STOX2: variants seen among roughly 807,000 people sequenced by gnomAD.
The protein encoded by STOX2 is storkhead box 2, also known as storkhead-box protein 2.
STOX2 carries 28 observed loss-of-function variants against 60.9 expected under a neutral mutation model. The observed-to-expected ratio is 0.46, with a 90% CI of 0.34 to 0.63. The LOEUF (loss-of-function observed/expected upper bound fraction) is 0.63, where lower values mean the gene tolerates loss of function less well. Among genes scored for constraint, STOX2 ranks in the 30% least tolerant of loss-of-function variants. The pLI is 0.01. For synonymous variants in STOX2, 472 were observed against 463.9 expected, an observed-to-expected ratio of 1.02 and a Z score of -0.22; for missense variants, 1,024 against 1,187.7, an observed-to-expected ratio of 0.86 and a Z score of 2.03.
chr4:183,977,348 C>A (rs867304206), intron 1 of STOX2, among the ~76,000 whole-genome samples: 3 of 152,240 alleles, frequency 2.0e-5, no homozygotes, highest in Middle Eastern at 3.4e-3. Context: ...GTGTAAGGCA[C>A]AACATGAAGG....
At position 184,010,328 on chromosome 4, in the gene STOX2, C is replaced by T; in HGVS notation, c.1490C>T (p.Ser497Phe). 1 of 1,607,586 alleles carries T rather than the reference C, an allele frequency of 6.2e-7. No homozygotes were observed. Among genetic ancestry groups the T allele is most frequent in the Non-Finnish European group, 8.5e-7 (1 of 1,177,048 alleles). The change falls in exon 3 of 4, where the codon TCC (serine) becomes TTC (phenylalanine). Residue 497 changes from serine (S) to phenylalanine (F), a missense_variant. Ser to Phe is a radical substitution (Grantham distance 155, BLOSUM62 -2). Around this residue, in one of 3 missense-constraint regions of STOX2, gnomAD observed 922 missense variants for 1,058.3 expected, o/e 0.87. Coordinates refer to ENST00000308497, the MANE Select transcript of STOX2 (RefSeq NM_020225.3). The surrounding 1 kb of genome is among the most constrained non-coding windows in gnomAD (Gnocchi z 4.5). Reference sequence around the variant, plus strand: ...GAGAGATCCAGGTCGATGGATAACTCCAAAGGCCCTCTGGGTGCTTCTTCT... The same window carrying T: ...GAGAGATCCAGGTCGATGGATAACTTCAAAGGCCCTCTGGGTGCTTCTTCT... ...AKERSRSMDN[S>F]KGPLGASSLG...
chr4:183,818,654 A>G (rs930724776), intron 1 of STOX2, among the ~76,000 whole-genome samples: 1 of 151,970 alleles, frequency 6.6e-6, no homozygotes, highest in Admixed American at 6.6e-5. Context: ...GGGGCCCCTC[A>G]CTTCCCAGAA....
At chr4:184,013,099 T>C (rs1734229558) in intron 3 of STOX2, among the ~76,000 whole-genome samples, 1 of 152,204 alleles carries the variant, frequency 6.6e-6, no homozygotes, top group South Asian at 2.1e-4. Flanking sequence ...GTTTTAAACC[T>C]TTCTCCTTTC....
At chr4:183,930,715 A>G (rs1287020420) in intron 1 of STOX2, among the ~76,000 whole-genome samples, 1 of 152,226 alleles carries the variant, frequency 6.6e-6, no homozygotes, top group Non-Finnish European at 1.5e-5. Flanking sequence ...AGCTTAATAG[A>G]ATAATATGAA....
intron 1 of STOX2, among the ~76,000 whole-genome samples, chr4:183,937,418 G>A (rs974674857): frequency 2.6e-5 from 4 of 152,286 alleles, no homozygotes; most frequent in Admixed American, 6.5e-5. Flanking sequence ...CCTTATTTCC[G>A]ACGCTCAGGA....
At chr4:183,800,656 A>G (rs10019343) in intron 1 of STOX2, among the ~76,000 whole-genome samples, 107,397 of 152,098 alleles carry the variant, frequency 0.71, 38,053 homozygotes, top group East Asian at 0.86. Context: ...CTCATCAGTT[A>G]CCAATAGTCC....
chr4:183,817,407 T>A (rs992015770), intron 1 of STOX2, among the ~76,000 whole-genome samples: 1 of 152,208 alleles, frequency 6.6e-6, no homozygotes, highest in Non-Finnish European at 1.5e-5. Context: ...GGAAGTATGG[T>A]TGCCAGACTA....
chr4:183,853,026 A>G (rs1468592665), intron 1 of STOX2, among the ~76,000 whole-genome samples: 1 of 152,216 alleles, frequency 6.6e-6, no homozygotes. Context: ...ATTAGGAATA[A>G]TCGCACGCAG....
At position 183,860,316 on chromosome 4, in the gene STOX2, C is replaced by T. The variant is rs567044915; in HGVS notation, c.364+62261C>T. 1.8e-4 allele frequency among the ~76,000 whole-genome samples: 28 copies of T among 151,928 alleles called. No individual in the cohort carries two copies. In the East Asian group the frequency reaches 4.5e-3, roughly 24 times the overall value. On this transcript the variant is annotated intron_variant, in intron 1 of 2. Coordinates refer to the STOX2 transcript ENST00000513034. ...AAGTGAAGCAATTTGCCTAAAATGA[C>T]GTAGCTAATTAGTGGCCCAGCCAAA...
intron 1 of STOX2, among the ~76,000 whole-genome samples, chr4:183,872,576 T>C (rs879560630): frequency 3.2e-4 from 48 of 152,202 alleles, no homozygotes; most frequent in Non-Finnish European, 1.8e-4. Flanking sequence ...ATAGCATATT[T>C]AACATCGATC....
At chr4:183,889,861 TG>T (rs1220301023) in intron 1 of STOX2, among the ~76,000 whole-genome samples, 2 of 152,256 alleles carry the variant, frequency 1.3e-5, no homozygotes, top group Admixed American at 1.3e-4. Context: ...TAATACTTTC[TG>T]TTTTTTCTTC....
chr4:183,877,980 G>A (rs551167099), intron 1 of STOX2, among the ~76,000 whole-genome samples: 1 of 152,288 alleles, frequency 6.6e-6, no homozygotes, highest in South Asian at 2.1e-4. Flanking sequence ...GTGAGCCACA[G>A]TACCTGGCTT....
chr4:183,951,444 C>CTTTTTTT (rs1163579369), intron 1 of STOX2, among the ~76,000 whole-genome samples: 1 of 66,462 alleles, frequency 1.5e-5, no homozygotes, highest in Non-Finnish European at 2.7e-5. Context: ...CTCTCTCTCT[C>CTTTTTTT]TTTTTTTTTT....
intron 1 of STOX2, among the ~76,000 whole-genome samples, chr4:183,871,788 C>T (rs572263273): frequency 6.6e-6 from 1 of 151,850 alleles, no homozygotes; most frequent in African/African-American, 2.4e-5. Flanking sequence ...AATAAGTGAT[C>T]GTTTGGAAAA....
rs533222659 is a variant in STOX2 at position 183,798,561 on chromosome 4, T to C, written c.364+506T>C. Reference sequence around the variant, plus strand: ...GACTGCGGGGGACGCGCCGGGAAGCTAGGGTTGAGGCTGAGTGTTGCGCGC... The same window carrying C: ...GACTGCGGGGGACGCGCCGGGAAGCCAGGGTTGAGGCTGAGTGTTGCGCGC... On this transcript the variant is annotated intron_variant, in intron 1 of 2. Coordinates refer to the STOX2 transcript ENST00000513034. 1,322 of 946,658 alleles carry C rather than the reference T, an allele frequency of 1.4e-3. 3 individuals carry two copies. Among genetic ancestry groups the C allele is most frequent in the Non-Finnish European group, 1.6e-3 (1,255 of 794,696 alleles). 58.6% of individuals were successfully genotyped at this position (946,658 alleles called of 1,614,324 possible).
intron 1 of STOX2, among the ~76,000 whole-genome samples, chr4:183,941,187 G>A (rs1391005220): frequency 3.3e-5 from 5 of 152,174 alleles, no homozygotes; most frequent in Non-Finnish European, 7.4e-5. Context: ...TGCTGATGGA[G>A]CCTTTGAGTC....
At chr4:183,902,437 A>T (rs1248950133), upstream of STOX2, among the ~76,000 whole-genome samples, 1 of 152,362 alleles carries the variant, frequency 6.6e-6, no homozygotes, top group East Asian at 1.9e-4. Flanking sequence ...TACTAATGCT[A>T]TAAAATCGAT....
chr4:183,854,831 G>A (rs1374335788), intron 1 of STOX2, among the ~76,000 whole-genome samples: 1 of 152,126 alleles, frequency 6.6e-6, no homozygotes, highest in African/African-American at 2.4e-5. Flanking sequence ...CAACACATAT[G>A]GAAGATTGCT....
At chr4:183,833,148 T>C (rs1489407734) in intron 1 of STOX2, among the ~76,000 whole-genome samples, 1 of 152,222 alleles carries the variant, frequency 6.6e-6, no homozygotes, top group African/African-American at 2.4e-5. Flanking sequence ...TCTTTCTAAA[T>C]TCAGTGACAG....
Sources: allele counts gnomAD v4.1 joint callset (sites outside exome capture counted in the v4.1 genomes callset), GRCh38; gene constraint gnomAD v4.1.1; regional missense constraint gnomAD v4.1.1; non-coding constraint Gnocchi (gnomAD v3.1); transcripts MANE v1.5; gene names NCBI Gene and HGNC (gene_info 2026-07-23, HGNC 2026-07-21).